Variants in ZNF536 observed in about 807,000 individuals in gnomAD.
The protein encoded by ZNF536 is zinc finger protein 536.
In ZNF536, 13 loss-of-function variants were observed where a neutral mutation model predicts 84.5. The observed-to-expected ratio is 0.15, with a 90% CI of 0.10 to 0.24. The LOEUF is 0.24. ZNF536 is among the 10% of genes least tolerant of loss of function. The pLI is 1.00. For missense variants in ZNF536, 1,536 were observed against 1,747.5 expected (o/e 0.88, Z 2.16); for synonymous variants, 811 against 742.5 (o/e 1.09, Z -1.50).
At chr19:30,505,957 T>C (rs1412157662) in intron 2 of ZNF536, among the ~76,000 whole-genome samples, 4 of 152,066 alleles carry the variant, frequency 2.6e-5, no homozygotes, top group Admixed American at 2.6e-4. Flanking sequence ...TGAGCCACCA[T>C]GCTCAGCCAA....
chr19:30,435,134 A>C (rs2051671059), intron 1 of ZNF536, among the ~76,000 whole-genome samples: 1 of 149,526 alleles, frequency 6.7e-6, no homozygotes, highest in Admixed American at 6.6e-5. Context: ...GATGATGCTG[A>C]TGATGATGGT....
rs535556978 is a variant in ZNF536 at position 30,356,565 on chromosome 19, C to T, written c.-3+4081C>T. 2.6e-5 allele frequency among the ~76,000 whole-genome samples: 4 copies of T among 152,318 alleles called. No individual in the cohort carries two copies. The South Asian group carries it at 8.3e-4, about 32-fold the overall frequency. On this transcript the variant is annotated intron_variant, in intron 3 of 5. Coordinates refer to the ZNF536 transcript ENST00000585628. ...CCATGCACATGTCTATGGGGCTTTG[C>T]ATCATATTCGATCTTCACCATGAGA...
chr19:30,665,919 A>G (rs1281752307), intron 1 of ZNF536, among the ~76,000 whole-genome samples: 3 of 152,134 alleles, frequency 2.0e-5, no homozygotes, highest in Non-Finnish European at 4.4e-5. Context: ...GGTGCACTGC[A>G]TGGACAGGTG....
chr19:30,548,756 G>T lies in ZNF536; in HGVS notation c.3137G>T (p.Arg1046Leu), dbSNP rs377642821. The T allele has an allele frequency of 1.2e-6, 2 of 1,613,776 alleles. No individual in the cohort carries two copies. Among genetic ancestry groups the T allele is most frequent in the Admixed American group, 1.7e-5 (1 of 60,002 alleles). The change falls in exon 4 of 5, where the codon CGG (arginine) becomes CTG (leucine). Residue 1046 changes from arginine (R) to leucine (L), a missense_variant. Arg to Leu is a moderately radical substitution (Grantham distance 102). Around this residue, in one of 8 missense-constraint regions of ZNF536, gnomAD observed 624 missense variants for 603.1 expected, o/e 1.03. Transcript: ENST00000355537. ...ACAGTCAACTGCAAAGACCAAGCCC[G>T]GGAGGCGAGTAAGATGGCCCTGCTG... ...GVTVNCKDQA[R>L]EASKMALLPS... is the part of the protein sequence containing the mutation.
chr19:30,699,004 A>G (rs983647228), intron 1 of ZNF536, among the ~76,000 whole-genome samples: 2 of 152,152 alleles, frequency 1.3e-5, no homozygotes, highest in African/African-American at 4.8e-5. Context: ...ATCTGATATT[A>G]TGTTGTTTAC....
chr19:30,255,644 A>C (rs1206807666), intron 1 of ZNF536, among the ~76,000 whole-genome samples: 1 of 152,146 alleles, frequency 6.6e-6, no homozygotes, highest in East Asian at 1.9e-4. Flanking sequence ...TGTTAATTGA[A>C]ATCTGGAGAC....
intron 1 of ZNF536, among the ~76,000 whole-genome samples, chr19:30,573,918 C>T (rs2046640076): frequency 2.0e-5 from 3 of 152,192 alleles, no homozygotes; most frequent in Non-Finnish European, 1.5e-5. Context: ...GGTGGTGCCA[C>T]CCAAGGTGCA....
intron 2 of ZNF536, among the ~76,000 whole-genome samples, chr19:30,477,083 C>A (rs746250935): frequency 6.6e-5 from 10 of 152,130 alleles, no homozygotes; most frequent in Non-Finnish European, 1.2e-4. Context: ...GCCATGGTAA[C>A]TAGCCTATAT....
intron 1 of ZNF536, among the ~76,000 whole-genome samples, chr19:30,587,788 G>A (rs910604191): frequency 1.3e-5 from 2 of 152,236 alleles, no homozygotes; most frequent in African/African-American, 2.4e-5. Context: ...TATGAGAGAC[G>A]AGGGAGAAGC....
intron 1 of ZNF536, among the ~76,000 whole-genome samples, chr19:30,423,396 A>C (rs1337497988): frequency 6.6e-6 from 1 of 152,208 alleles, no homozygotes; most frequent in South Asian, 2.1e-4. Flanking sequence ...TCAGGTATCC[A>C]ATAGGGATAC....
At chr19:30,634,222 T>C (rs1454528545) in intron 1 of ZNF536, among the ~76,000 whole-genome samples, 1 of 152,176 alleles carries the variant, frequency 6.6e-6, no homozygotes, top group Non-Finnish European at 1.5e-5. Flanking sequence ...TTTCTCCGAT[T>C]GTTGTGCCGT....
chr19:30,614,981 C>T (rs2048236489), intron 1 of ZNF536, among the ~76,000 whole-genome samples: 1 of 34,052 alleles, frequency 2.9e-5, no homozygotes, highest in Non-Finnish European at 6.0e-5. Context: ...GAGTTTCGCT[C>T]TGTCGCCCAG....
At position 30,681,249 on chromosome 19, in the gene ZNF536, G is replaced by T. The variant is rs141844918; in HGVS notation, c.170-29508G>T. On this transcript the variant is annotated intron_variant, in intron 1 of 1. Coordinates refer to the ZNF536 transcript ENST00000592773. ...CTGCTTAGTTTGCCCTGCAGCACAG[G>T]AACCCACAAGGGTCCTGACTCCTGG... 3.2e-3 allele frequency among the ~76,000 whole-genome samples: 493 copies of T among 152,276 alleles called. 4 individuals carry two copies. The highest frequency in any genetic ancestry group is 0.012 in the African/African-American group (478 of 41,558).
intron 2 of ZNF536, among the ~76,000 whole-genome samples, chr19:30,500,810 T>C (rs754231120): frequency 1.2e-4 from 18 of 152,214 alleles, no homozygotes; most frequent in Admixed American, 3.9e-4. Context: ...TGAAATACAG[T>C]GGGATTGGTG....
At chr19:30,610,980 C>T (rs575615177) in intron 1 of ZNF536, among the ~76,000 whole-genome samples, 3 of 152,344 alleles carry the variant, frequency 2.0e-5, no homozygotes, top group East Asian at 1.9e-4. Flanking sequence ...GGCAATCATT[C>T]GCTCAGTTGT....
intron 1 of ZNF536, among the ~76,000 whole-genome samples, chr19:30,575,459 T>C (rs564206044): frequency 1.2e-4 from 19 of 152,328 alleles, no homozygotes; most frequent in African/African-American, 4.6e-4. Context: ...CACCACCATC[T>C]ATTGCAGCAA....
At chr19:30,343,664 C>T (rs1282416084) in intron 2 of ZNF536, among the ~76,000 whole-genome samples, 1 of 152,160 alleles carries the variant, frequency 6.6e-6, no homozygotes, top group South Asian at 2.1e-4. Flanking sequence ...TACAGAAGTC[C>T]CATAGTTTCC....
At chr19:30,366,095 G>A (rs1017005737) in intron 3 of ZNF536, among the ~76,000 whole-genome samples, 3 of 152,114 alleles carry the variant, frequency 2.0e-5, no homozygotes, top group Non-Finnish European at 4.4e-5. Flanking sequence ...AGCCCCACGT[G>A]AACTCCTCCA....
At position 30,493,089 on chromosome 19, in the gene ZNF536, C is replaced by CTTTTTT. The variant is rs201787656; in HGVS notation, c.2171-41736_2171-41731dup. Among the ~76,000 whole-genome samples the CTTTTTT allele has an allele frequency of 1.1e-4, 8 of 71,578 alleles. 2 individuals are homozygous for CTTTTTT. Among genetic ancestry groups the CTTTTTT allele is most frequent in the African/African-American group, 3.4e-4 (5 of 14,884 alleles). The allele number at this position is 71,578 out of a possible 152,430, so 47.0% of individuals were successfully genotyped here. A position where few individuals can be genotyped will look rare whatever the true frequency, so the allele number is the denominator to read the frequency against. On this transcript the variant is annotated intron_variant, in intron 2 of 4. Transcript: ENST00000355537. ...AATATCTCTCTTGCAATATTACTCA[C>CTTTTTT]TTTTTTTTTTTTTTTTTTTTTTTTT...
Sources: allele counts gnomAD v4.1 joint callset (sites outside exome capture counted in the v4.1 genomes callset), GRCh38; gene constraint gnomAD v4.1.1; regional missense constraint gnomAD v4.1.1; transcripts MANE v1.5; gene names NCBI Gene and HGNC (gene_info 2026-07-23, HGNC 2026-07-21).